CDH4: variants seen among roughly 807,000 people sequenced by gnomAD.
The protein encoded by CDH4 is cadherin-4.
CDH4 carries 33 observed loss-of-function variants against 86.0 expected under a neutral mutation model. The ratio of observed to expected loss-of-function variants is 0.38; its 90% CI spans 0.29 to 0.51. The LOEUF is 0.51. Ranked by LOEUF, CDH4 falls within the 20% of genes least tolerant of loss-of-function variation. The pLI is 0.86. For synonymous variants in CDH4, 555 were observed against 549.4 expected (o/e 1.01, Z -0.14); for missense variants, 1,114 against 1,307.4 (o/e 0.85, Z 2.28).
At chr20:61,570,798 C>T (rs533686938) in intron 2 of CDH4, 24 of 702,130 alleles carry the variant, frequency 3.4e-5, no homozygotes, top group South Asian at 7.4e-5. Flanking sequence ...ATGCTAATTA[C>T]CTTCTCTGCC....
chr20:61,912,766 G>A (rs969250150), intron 9 of CDH4, among the ~76,000 whole-genome samples: 1 of 152,200 alleles, frequency 6.6e-6, no homozygotes, highest in East Asian at 1.9e-4. Context: ...TAGCACAGCC[G>A]GCCCCCCAGT....
chr20:61,801,530 G>A (rs1219892900), intron 4 of CDH4, among the ~76,000 whole-genome samples: 1 of 152,180 alleles, frequency 6.6e-6, no homozygotes. Context: ...AAACCAGGTG[G>A]CAGAGAACAG....
At chr20:61,904,005 G>T (rs941392244) in intron 8 of CDH4, among the ~76,000 whole-genome samples, 1 of 152,206 alleles carries the variant, frequency 6.6e-6, no homozygotes, top group East Asian at 1.9e-4. Flanking sequence ...TCTTGCAAAT[G>T]TGGCTTCTCT....
At chr20:61,498,938 C>T (rs1205761181) in intron 2 of CDH4, among the ~76,000 whole-genome samples, 2 of 152,194 alleles carry the variant, frequency 1.3e-5, no homozygotes, top group African/African-American at 4.8e-5. Context: ...TCAGCCCCAG[C>T]TTCTCTCCTC....
intron 2 of CDH4, among the ~76,000 whole-genome samples, chr20:61,576,364 G>T (rs185213504): frequency 4.7e-4 from 72 of 152,220 alleles, no homozygotes; most frequent in Non-Finnish European, 6.9e-4. Flanking sequence ...AGAGAATAAA[G>T]GTTCCTTGTG....
chr20:61,924,297 C>G, intron 10 of CDH4, 37 bp from the exon 11 acceptor site: 1 of 1,588,826 alleles, frequency 6.3e-7, no homozygotes, highest in Non-Finnish European at 8.6e-7. Context: ...CCGCCCACCC[C>G]CAGCCTTACC....
At chr20:61,360,047 A>G (rs73308617) in intron 2 of CDH4, among the ~76,000 whole-genome samples, 4,532 of 152,280 alleles carry the variant, frequency 0.03, 179 homozygotes, top group African/African-American at 0.098. Flanking sequence ...TTCACTTCTC[A>G]TTGAACCAGA....
intron 6 of CDH4, among the ~76,000 whole-genome samples, chr20:61,862,161 G>A (rs1252249077): frequency 6.6e-6 from 1 of 152,130 alleles, no homozygotes; most frequent in Non-Finnish European, 1.5e-5. Context: ...CCCCCAGGCA[G>A]CCCCCTCCAT....
At chr20:61,376,239 AG>A (rs2084871944) in intron 2 of CDH4, among the ~76,000 whole-genome samples, 1 of 151,372 alleles carries the variant, frequency 6.6e-6, no homozygotes, top group Non-Finnish European at 1.5e-5. Flanking sequence ...TTGCATTGAT[AG>A]TGGTAGTAGT....
intron 2 of CDH4, among the ~76,000 whole-genome samples, chr20:61,395,858 G>A (rs1373448425): frequency 1.3e-5 from 2 of 152,160 alleles, no homozygotes; most frequent in African/African-American, 2.4e-5. Flanking sequence ...TTATCTGAAG[G>A]CACGAAAACT....
intron 2 of CDH4, among the ~76,000 whole-genome samples, chr20:61,583,459 G>A (rs575561448): frequency 2.6e-5 from 4 of 152,252 alleles, no homozygotes; most frequent in South Asian, 2.1e-4. Context: ...TCACACACGC[G>A]TTCTGTGCAG....
intron 2 of CDH4, among the ~76,000 whole-genome samples, chr20:61,309,020 G>A (rs1815240761): frequency 6.6e-6 from 1 of 152,238 alleles, no homozygotes; most frequent in South Asian, 2.1e-4. Context: ...CTGACTGCAT[G>A]TTTTCGGGCC....
At chr20:61,806,709 T>C (rs1395014094) in intron 4 of CDH4, among the ~76,000 whole-genome samples, 1 of 152,074 alleles carries the variant, frequency 6.6e-6, no homozygotes, top group Non-Finnish European at 1.5e-5. Context: ...GCGGGGGAAG[T>C]GAGGACACAG....
chr20:61,469,479 GT>G (rs2085490540), intron 2 of CDH4, among the ~76,000 whole-genome samples: 1 of 152,190 alleles, frequency 6.6e-6, no homozygotes, highest in Admixed American at 6.5e-5. Context: ...CAGGTGAGTA[GT>G]TTGCACATAT....
chr20:61,328,160 C>T (rs1049911254), intron 2 of CDH4, among the ~76,000 whole-genome samples: 1 of 152,148 alleles, frequency 6.6e-6, no homozygotes, highest in African/African-American at 2.4e-5. Flanking sequence ...TCAAATTACT[C>T]TCTAATAAAA....
intron 2 of CDH4, among the ~76,000 whole-genome samples, chr20:61,504,307 T>C (rs1210470743): frequency 1.3e-5 from 2 of 152,204 alleles, no homozygotes; most frequent in Non-Finnish European, 2.9e-5. Context: ...GAGGTTCCTC[T>C]CTCAAGGAAG....
At chr20:61,869,544 T>C (rs1028794533) in intron 6 of CDH4, among the ~76,000 whole-genome samples, 4 of 152,170 alleles carry the variant, frequency 2.6e-5, no homozygotes, top group Non-Finnish European at 2.9e-5. Context: ...GGATTCAGTT[T>C]CCCCATCTGT....
At chr20:61,910,752 G>A (rs529253528) in intron 9 of CDH4, 145 bp downstream of exon 9, 2 of 727,894 alleles carry the variant, frequency 2.7e-6, no homozygotes, top group South Asian at 1.9e-5. Flanking sequence ...CCAACCTGCT[G>A]GAGGCAGACA....
intron 5 of CDH4, among the ~76,000 whole-genome samples, chr20:61,847,094 C>T (rs551155999): frequency 6.6e-6 from 1 of 152,320 alleles, no homozygotes; most frequent in East Asian, 1.9e-4. Flanking sequence ...TCCTGGAAAC[C>T]TGGAGCTCAG....
Sources: allele counts gnomAD v4.1 joint callset (sites outside exome capture counted in the v4.1 genomes callset), GRCh38; gene constraint gnomAD v4.1.1; transcripts MANE v1.5; gene names NCBI Gene and HGNC (gene_info 2026-07-23, HGNC 2026-07-21).